NEGR1: variants seen among roughly 807,000 people sequenced by gnomAD.
The protein encoded by NEGR1 is neuronal growth regulator 1.
NEGR1 carries 10 observed loss-of-function variants against 40.9 expected under a neutral mutation model. The ratio of observed to expected loss-of-function variants is 0.24; its 90% CI spans 0.15 to 0.42. The LOEUF is 0.42. Among genes scored for constraint, NEGR1 ranks in the 10% least tolerant of loss-of-function variants. The pLI is 1.00. For synonymous variants in NEGR1, 185 were observed against 166.8 expected (o/e 1.11, Z -0.84); for missense variants, 352 against 438.9 (o/e 0.80, Z 1.77).
Position 71,759,596 on chromosome 1 carries a change from C to CTTTTTTTTTTTT in NEGR1, c.535+16564_535+16575dup, listed in dbSNP as rs71074804. Among the ~76,000 whole-genome samples the CTTTTTTTTTTTT allele has an allele frequency of 2.9e-3, 93 of 31,962 alleles. 33 individuals carry two copies. The highest frequency in any genetic ancestry group is 6.4e-3 in the East Asian group (6 of 934). 21.0% of individuals were successfully genotyped at this position (31,962 alleles called of 152,430 possible). A position where few individuals can be genotyped will look rare whatever the true frequency, so the allele number is the denominator to read the frequency against. On this transcript the variant is annotated intron_variant, in intron 3 of 6. Coordinates refer to ENST00000357731, the MANE Select transcript of NEGR1 (RefSeq NM_173808.3). The stretch of plus-strand genomic sequence containing the variant: ...ACAGGCGTGAGCCACTGCGTCCAGG[C>CTTTTTTTTTTTT]TTTTTTTTTTTTTTTTTTTTTTTTT...
intron 2 of NEGR1, among the ~76,000 whole-genome samples, chr1:71,832,941 C>T (rs1369848284): frequency 1.3e-5 from 2 of 151,942 alleles, no homozygotes; most frequent in African/African-American, 2.4e-5. Context: ...AAACATCTAG[C>T]TATCTATATA....
intron 6 of NEGR1, among the ~76,000 whole-genome samples, chr1:71,534,891 T>A (rs1309364647): frequency 1.3e-5 from 2 of 151,600 alleles, no homozygotes; most frequent in Non-Finnish European, 3.0e-5. Context: ...TATAAAAATT[T>A]AACAAAATTT....
intron 1 of NEGR1, among the ~76,000 whole-genome samples, chr1:72,191,664 T>C (rs1652824765): frequency 6.6e-6 from 1 of 151,900 alleles, no homozygotes; most frequent in Non-Finnish European, 1.5e-5. Context: ...AATTCATACA[T>C]TTATTTTATG....
chr1:72,076,359 A>G (rs1355357136), intron 1 of NEGR1, among the ~76,000 whole-genome samples: 1 of 152,160 alleles, frequency 6.6e-6, no homozygotes, highest in African/African-American at 2.4e-5. Context: ...AGACCCTCGC[A>G]AGACACCAAA....
At chr1:71,741,503 A>G (rs1325360701) in intron 3 of NEGR1, among the ~76,000 whole-genome samples, 1 of 151,976 alleles carries the variant, frequency 6.6e-6, no homozygotes, top group Non-Finnish European at 1.5e-5. Flanking sequence ...CCAAATATCC[A>G]TTCACCCTTC....
chr1:72,224,688 T>C (rs372486804), intron 1 of NEGR1, among the ~76,000 whole-genome samples: 10 of 152,050 alleles, frequency 6.6e-5, no homozygotes, highest in African/African-American at 2.4e-4. Context: ...CTTTAACTTT[T>C]TTTTTTAAAT....
intron 1 of NEGR1, among the ~76,000 whole-genome samples, chr1:72,061,553 C>T: frequency 6.6e-6 from 1 of 151,834 alleles, no homozygotes; most frequent in African/African-American, 2.4e-5. Context: ...TAATATCTAA[C>T]ACATGCAGAT....
intron 1 of NEGR1, among the ~76,000 whole-genome samples, chr1:72,079,796 A>T (rs183771651): frequency 3.7e-4 from 56 of 152,254 alleles, no homozygotes; most frequent in African/African-American, 1.3e-3. Flanking sequence ...TATGTATTTA[A>T]AAGTGTTCTA....
chr1:71,637,985 A>G (rs1204329176), intron 4 of NEGR1, among the ~76,000 whole-genome samples: 1 of 152,044 alleles, frequency 6.6e-6, no homozygotes, highest in East Asian at 1.9e-4. Flanking sequence ...GTCTGGTGCT[A>G]TATTATTTTT....
intron 1 of NEGR1, among the ~76,000 whole-genome samples, chr1:72,084,783 T>C (rs1463557025): frequency 6.6e-6 from 1 of 152,192 alleles, no homozygotes; most frequent in Non-Finnish European, 1.5e-5. Context: ...GAGAAACTCA[T>C]GTTGGATTAT....
At chr1:71,821,441 G>A (rs970459059) in intron 2 of NEGR1, among the ~76,000 whole-genome samples, 1 of 151,966 alleles carries the variant, frequency 6.6e-6, no homozygotes, top group Admixed American at 6.6e-5. Flanking sequence ...GGAATACAAT[G>A]TCCTAGCGGG....
intron 3 of NEGR1, among the ~76,000 whole-genome samples, chr1:71,750,845 A>C: frequency 6.6e-6 from 1 of 152,118 alleles, no homozygotes; most frequent in Non-Finnish European, 1.5e-5. Flanking sequence ...GGTTTCATCA[A>C]ATCTCCATGT....
chr1:71,670,890 C>A (rs752965791), intron 4 of NEGR1, among the ~76,000 whole-genome samples: 10 of 151,464 alleles, frequency 6.6e-5, no homozygotes, highest in African/African-American at 1.2e-4. Context: ...TGCTAACTCA[C>A]AACACACACA....
At chr1:71,844,499 G>A (rs957041744) in intron 2 of NEGR1, among the ~76,000 whole-genome samples, 15 of 152,130 alleles carry the variant, frequency 9.9e-5, no homozygotes. Context: ...TCTTACTGGT[G>A]ATCCTTCAGG....
At chr1:71,980,062 C>A (rs370633169) in intron 1 of NEGR1, among the ~76,000 whole-genome samples, 8 of 152,044 alleles carry the variant, frequency 5.3e-5, no homozygotes, top group Non-Finnish European at 7.4e-5. Context: ...AGAGTTCCTG[C>A]ATAATAACAA....
intron 2 of NEGR1, among the ~76,000 whole-genome samples, chr1:71,879,786 G>A (rs1660532821): frequency 6.6e-6 from 1 of 152,106 alleles, no homozygotes; most frequent in Non-Finnish European, 1.5e-5. Flanking sequence ...TCTATGTTCA[G>A]ATGGAACACT....
At chr1:71,525,242 A>G (rs1307970757) in intron 6 of NEGR1, among the ~76,000 whole-genome samples, 1 of 151,512 alleles carries the variant, frequency 6.6e-6, no homozygotes, top group Non-Finnish European at 1.5e-5. Flanking sequence ...GTTAACTTCT[A>G]TTTTCTTTCT....
chr1:71,953,259 A>T (rs1390545490), intron 1 of NEGR1, among the ~76,000 whole-genome samples: 5 of 151,994 alleles, frequency 3.3e-5, no homozygotes, highest in Admixed American at 2.6e-4. Context: ...TCCAGATATC[A>T]TTGAGAATAT....
intron 1 of NEGR1, among the ~76,000 whole-genome samples, chr1:72,057,046 T>C (rs1647117234): frequency 6.6e-6 from 1 of 151,558 alleles, no homozygotes; most frequent in African/African-American, 2.4e-5. Flanking sequence ...TTTTCTCTGT[T>C]TTAGAAGCTC....
Sources: gnomAD v4.1 joint callset for allele counts (sites outside exome capture counted in the v4.1 genomes callset) on GRCh38, gnomAD v4.1.1 for gene constraint, MANE v1.5 for transcripts, NCBI Gene and HGNC (gene_info 2026-07-23, HGNC 2026-07-21) for gene names.